ALG9: variants seen among roughly 807,000 people sequenced by gnomAD.
The protein encoded by ALG9 is alpha-1,2-mannosyltransferase ALG9.
A neutral mutation model predicts 81.8 loss-of-function variants in ALG9; 55 were observed. The ratio of observed to expected loss-of-function variants is 0.67; its 90% CI spans 0.54 to 0.84. The LOEUF (loss-of-function observed/expected upper bound fraction) is 0.84, where lower values mean the gene tolerates loss of function less well. ALG9 is among the 40% of genes least tolerant of loss of function. The probability of loss-of-function intolerance (pLI) is 0.00; values close to 1 mark genes in which losing one functional copy is unlikely to be tolerated. For missense variants in ALG9, 629 were observed against 745.0 expected, an observed-to-expected ratio of 0.84 and a Z score of 1.81; for synonymous variants, 278 against 274.3, an observed-to-expected ratio of 1.01 and a Z score of -0.13.
At chr11:111,844,016 T>A (rs1468074335) in intron 9 of ALG9, among the ~76,000 whole-genome samples, 1 of 152,196 alleles carries the variant, frequency 6.6e-6, no homozygotes, top group African/African-American at 2.4e-5. Flanking sequence ...TCTGAGATTT[T>A]TTTTGAGATG....
chr11:111,823,264 C>T (rs1555105609), intron 13 of ALG9, among the ~76,000 whole-genome samples: 1 of 152,174 alleles, frequency 6.6e-6, no homozygotes, highest in Non-Finnish European at 1.5e-5. Flanking sequence ...AATTCCTCAA[C>T]TCTAGAGAAA....
intron 13 of ALG9, among the ~76,000 whole-genome samples, chr11:111,812,215 G>C (rs1453126036): frequency 6.6e-6 from 1 of 152,098 alleles, no homozygotes; most frequent in East Asian, 1.9e-4. Context: ...AACTCAACAA[G>C]CGGATTCTAA....
intron 14 of ALG9, among the ~76,000 whole-genome samples, chr11:111,792,022 G>A (rs953487681): frequency 3.9e-5 from 6 of 152,190 alleles, no homozygotes; most frequent in Non-Finnish European, 7.3e-5. Flanking sequence ...GGTGGAGGTC[G>A]CAGTGAGCCA....
intron 6 of ALG9, among the ~76,000 whole-genome samples, chr11:111,855,890 A>T (rs1958584497): frequency 6.6e-6 from 1 of 152,210 alleles, no homozygotes; most frequent in Non-Finnish European, 1.5e-5. Context: ...AAGGCACTTA[A>T]GAAATTTTAA....
chr11:111,842,201 G>C (rs1956318539), intron 9 of ALG9, among the ~76,000 whole-genome samples: 1 of 151,346 alleles, frequency 6.6e-6, no homozygotes, highest in South Asian at 2.1e-4. Context: ...CTGGCCTAAG[G>C]TGGGGTTTTT....
chr11:111,793,954 A>G (rs1461134516), intron 14 of ALG9, among the ~76,000 whole-genome samples: 4 of 152,232 alleles, frequency 2.6e-5, no homozygotes, highest in African/African-American at 9.6e-5. Flanking sequence ...AGCGTGATTC[A>G]GGGAGACATA....
intron 13 of ALG9, among the ~76,000 whole-genome samples, chr11:111,821,930 G>A (rs1565858771): frequency 1.3e-5 from 2 of 152,134 alleles, no homozygotes; most frequent in Admixed American, 6.5e-5. Flanking sequence ...CACCACGCCC[G>A]GCTACCCAGG....
chr11:111,853,830 G>C, intron 6 of ALG9, 94 bp from the exon 7 acceptor site: 1 of 1,151,550 alleles, frequency 8.7e-7, no homozygotes, highest in Admixed American at 1.7e-5. Context: ...AGAATAAAAT[G>C]CCTCTGCCAG....
intron 14 of ALG9, chr11:111,798,166 G>C (rs1008018963): frequency 3.5e-6 from 1 of 282,218 alleles, no homozygotes; most frequent in Non-Finnish European, 7.1e-6. Context: ...TTGTGTCACT[G>C]CACTCTAGCC....
At chr11:111,867,778 C>G (rs1269191925) in intron 3 of ALG9, among the ~76,000 whole-genome samples, 2 of 152,178 alleles carry the variant, frequency 1.3e-5, no homozygotes, top group Non-Finnish European at 2.9e-5. Context: ...AGCATGCTTT[C>G]TTTGCACTGT....
rs1555064559 is a variant in ALG9, at chr11:111,786,558, T to G, written c.1734-38A>C. On this transcript the variant is annotated intron_variant, in intron 14 of 14. Transcript: ENST00000616540. Reference sequence around the variant, plus strand: ...GGATAAAAAAAAGAATTTTATCACTTGGGAGAATTTACTAATGGTACTAAA... The same window carrying G: ...GGATAAAAAAAAGAATTTTATCACTGGGGAGAATTTACTAATGGTACTAAA... The G allele has an allele frequency of 1.9e-6, 3 of 1,609,576 alleles. No individual in the cohort carries two copies. In the Admixed American group the frequency reaches 5.0e-5, roughly 27 times the overall value.
At chr11:111,836,332 G>C (rs1416109592) in intron 12 of ALG9, 38 bp from the exon 13 acceptor site, 4 of 1,611,568 alleles carry the variant, frequency 2.5e-6, no homozygotes, top group Non-Finnish European at 3.4e-6. Context: ...AAACACAGGG[G>C]GATAATATTG....
intron 9 of ALG9, among the ~76,000 whole-genome samples, chr11:111,844,168 C>T (rs1956626224): frequency 6.6e-6 from 1 of 152,126 alleles, no homozygotes; most frequent in South Asian, 2.1e-4. Context: ...CCATGTCTGG[C>T]TAATTTTTGT....
At chr11:111,843,885 C>T (rs1222657995) in intron 9 of ALG9, among the ~76,000 whole-genome samples, 4 of 152,138 alleles carry the variant, frequency 2.6e-5, no homozygotes, top group African/African-American at 9.7e-5. Context: ...TGGGGAAATC[C>T]CTGTATGGTT....
chr11:111,815,195 C>A (rs1555095797), intron 13 of ALG9, among the ~76,000 whole-genome samples: 1 of 152,106 alleles, frequency 6.6e-6, no homozygotes, highest in African/African-American at 2.4e-5. Flanking sequence ...AGAAAGATAT[C>A]AAGGCCCAAT....
At chr11:111,869,726 C>A (rs1190273655) in intron 2 of ALG9, among the ~76,000 whole-genome samples, 2 of 152,206 alleles carry the variant, frequency 1.3e-5, no homozygotes, top group Non-Finnish European at 2.9e-5. Context: ...CAGTGGCTCA[C>A]GCCTGTAATC....
At chr11:111,861,098 A>G (rs1464132376) in intron 4 of ALG9, among the ~76,000 whole-genome samples, 1 of 152,240 alleles carries the variant, frequency 6.6e-6, no homozygotes, top group Non-Finnish European at 1.5e-5. Flanking sequence ...TGCCTGGCAC[A>G]TAGTTGCTCA....
At chr11:111,824,460 G>A (rs1467623156) in intron 13 of ALG9, among the ~76,000 whole-genome samples, 2 of 152,158 alleles carry the variant, frequency 1.3e-5, no homozygotes, top group Admixed American at 6.5e-5. Context: ...ACAAATACAT[G>A]GATAGATATC....
chr11:111,832,931 T>C (rs1444092284), intron 13 of ALG9, among the ~76,000 whole-genome samples: 2 of 152,056 alleles, frequency 1.3e-5, no homozygotes, highest in Non-Finnish European at 1.5e-5. Context: ...ACTCAGGAGC[T>C]TGAAGTGGAA....
Sources: allele counts gnomAD v4.1 joint callset (sites outside exome capture counted in the v4.1 genomes callset), GRCh38; gene constraint gnomAD v4.1.1; transcripts MANE v1.5; gene names NCBI Gene and HGNC (gene_info 2026-07-23, HGNC 2026-07-21).